ARFGAP1: variants seen among roughly 807,000 people sequenced by gnomAD.
ARFGAP1 encodes ARF GTPase activating protein 1.
A neutral mutation model predicts 54.0 loss-of-function variants in ARFGAP1; 26 were observed. That is an observed-to-expected ratio of 0.48 (90% CI 0.35 to 0.67). The LOEUF is 0.67. ARFGAP1 is among the 30% of genes least tolerant of loss of function. ARFGAP1 has a pLI of 0.00. For missense variants in ARFGAP1, 525 were observed against 535.8 expected (o/e 0.98, Z 0.20); for synonymous variants, 248 against 211.9 (o/e 1.17, Z -1.48).
intron 11 of ARFGAP1, 103 bp downstream of exon 11, chr20:63,285,816 C>A: frequency 6.5e-7 from 1 of 1,526,782 alleles, no homozygotes; most frequent in Non-Finnish European, 9.0e-7. Context: ...CTCAGCCCAG[C>A]TTGGCAGTGG....
chr20:63,288,312 C>T lies in ARFGAP1; in HGVS notation c.*439C>T, dbSNP rs1178341965. The T allele has an allele frequency of 2.1e-6, 1 of 466,284 alleles. No individual in the cohort carries two copies. Among genetic ancestry groups the T allele is most frequent in the Admixed American group, 2.3e-5 (1 of 42,824 alleles). 28.9% of individuals were successfully genotyped at this position (466,284 alleles called of 1,614,324 possible). A position where few individuals can be genotyped will look rare whatever the true frequency, so the allele number is the denominator to read the frequency against. Reference sequence around the variant, plus strand: ...ATTTAACTTTGGTTTTGCTCTAGTTCTTTCTTTTTGAAGAGAGTGACTGGA... The same window carrying T: ...ATTTAACTTTGGTTTTGCTCTAGTTTTTTCTTTTTGAAGAGAGTGACTGGA... On this transcript the variant is annotated 3_prime_UTR_variant, in exon 13 of 13. Transcript: ENST00000370283.
Position 63,287,601 on chromosome 20 carries a change from G to A in ARFGAP1, c.949G>A (p.Asp317Asn), listed in dbSNP as rs1207348046. ...CCACAGTTATCAGAACAGCGGTCTG[G>A]ACCACTTCCAAAACAGCAACATAGA... ...EGHSYQNSGL[D>N]HFQNSNIDQS... The change falls in exon 13 of 13, where the codon GAC (aspartate) becomes AAC (asparagine). Residue 317 changes from aspartate (D) to asparagine (N), a missense_variant. By Grantham distance (23) the Asp-to-Asn change is conservative (BLOSUM62 1). Coordinates refer to ENST00000370283, the MANE Select transcript of ARFGAP1 (RefSeq NM_018209.4). 6.2e-7 allele frequency: 1 copy of A among 1,609,950 alleles called. No individual in the cohort carries two copies. Among genetic ancestry groups the A allele is most frequent in the African/African-American group, 1.3e-5 (1 of 74,778 alleles).
At chr20:63,278,662 C>T (rs550158867) in intron 6 of ARFGAP1, 2 of 553,892 alleles carry the variant, frequency 3.6e-6, no homozygotes, top group South Asian at 2.3e-5. Context: ...TCTAGTACTT[C>T]TGTGGCTGGC....
Position 63,276,532 on chromosome 20 carries a change from A to G in ARFGAP1, c.223A>G (p.Met75Val), listed in dbSNP as rs916046637. The G allele has an allele frequency of 1.2e-6, 2 of 1,614,030 alleles. No individual in the cohort carries two copies. The highest frequency in any genetic ancestry group is 3.3e-5 in the Admixed American group (2 of 60,008). The stretch of plus-strand genomic sequence containing the variant: ...GTGGAAGGACATTGAGCTTGAGAAG[A>G]TGAAAGCTGGTGGGAATGCTAAGTT... ...DKWKDIELEK[M>V]KAGGNAKFRE... The change falls in exon 4 of 13, where the codon ATG becomes GTG. Residue 75 changes from methionine (M) to valine (V), a missense_variant. By Grantham distance (21) the Met-to-Val change is conservative (BLOSUM62 1). Transcript: ENST00000370283. The surrounding 1 kb of genome is among the most constrained non-coding windows in gnomAD (Gnocchi z 5.2).
chr20:63,287,845 A>C lies in ARFGAP1; in HGVS notation c.1193A>C (p.Asp398Ala), dbSNP rs769600318. 14 of 1,563,270 alleles carry C rather than the reference A, an allele frequency of 9.0e-6. No individual in the cohort carries two copies. In the African/African-American group the frequency reaches 1.9e-4, roughly 21 times the overall value. The change falls in exon 13 of 13, where the codon GAT becomes GCT. Residue 398 changes from aspartate (D) to alanine (A), a missense_variant. By Grantham distance (126) the Asp-to-Ala change is moderately radical (BLOSUM62 -2). Transcript: ENST00000370283. ...GCAGTGCCGCCGGCCGTGCCCACTG[A>C]TGATGGCTGGGACAACCAGAACTGG... ...KKAVPPAVPT[D>A]DGWDNQNW
At chr20:63,284,488 T>TG in intron 9 of ARFGAP1, 1 of 1,117,516 alleles carries the variant, frequency 8.9e-7, no homozygotes, top group African/African-American at 1.6e-5. Flanking sequence ...GGTGCCTGCC[T>TG]GGGGAGGAAG....
rs779228404 is a variant in ARFGAP1, at chr20:63,283,829, GTCT to G, written c.717+983_717+985del. 1.5e-5 allele frequency: 25 copies of G among 1,613,456 alleles called. No homozygotes were observed. In the East Asian group the frequency reaches 4.5e-4, roughly 29 times the overall value. On this transcript the variant is annotated intron_variant, in intron 9 of 12. Transcript: ENST00000370283. The stretch of plus-strand genomic sequence containing the variant: ...CCCTCACCTTGCTCTCTCCTCACCT[GTCT>G]TCTTGCTGTCGGGTAAAGTTTTGGG...
chr20:63,276,431 C>T lies in ARFGAP1; in HGVS notation c.171-49C>T. On this transcript the variant is annotated intron_variant, in intron 3 of 12. Transcript: ENST00000370283. This position sits in a 1 kb window ranked among gnomAD's most constrained non-coding sequence, Gnocchi z 5.2. ...AGGACGATGCTGGGTGGAGGGTGTC[C>T]CTGGGTGTCCCCGGTGCTGGTTGAT... 2.5e-6 allele frequency: 4 copies of T among 1,576,688 alleles called. No homozygotes were observed. Among genetic ancestry groups the T allele is most frequent in the Non-Finnish European group, 3.5e-6 (4 of 1,159,078 alleles).
intron 9 of ARFGAP1, chr20:63,284,662 G>T (rs983161146): frequency 4.2e-6 from 6 of 1,417,034 alleles, no homozygotes; most frequent in African/African-American, 1.4e-5. Context: ...TGGGGGCCGC[G>T]GTCTCCGCCT....
In ARFGAP1 at chr20:63,288,023, G is replaced by A. The variant is rs958595880; in HGVS notation, c.*150G>A. 5.2e-6 allele frequency: 5 copies of A among 964,244 alleles called. No homozygotes were observed. Among genetic ancestry groups the A allele is most frequent in the Admixed American group, 2.9e-5 (1 of 34,732 alleles). 59.7% of individuals were successfully genotyped at this position (964,244 alleles called of 1,614,324 possible). A position where few individuals can be genotyped will look rare whatever the true frequency, so the allele number is the denominator to read the frequency against. Reference sequence around the variant, plus strand: ...GAGGCAGGACCCTAGGGAGACCCGGGTGTGCGCCGCCTGCGCGTGGGGAGT... The same window carrying A: ...GAGGCAGGACCCTAGGGAGACCCGGATGTGCGCCGCCTGCGCGTGGGGAGT... On this transcript the variant is annotated 3_prime_UTR_variant, in exon 13 of 13. Transcript: ENST00000370283.
Position 63,286,423 on chromosome 20 carries a change from G to A in ARFGAP1, c.892G>A (p.Ala298Thr). ...RDVTTFFSGK[A>T]EGPLDSPSEG... ...CGTCACCACCTTTTTTTCGGGGAAA[G>A]CAGAGGGCCCCTTGGACAGGTATGC... The change falls in exon 12 of 13, where the codon GCA (alanine) becomes ACA (threonine). Residue 298 changes from alanine (A) to threonine (T), a missense_variant. Around this residue, in one of 3 missense-constraint regions of ARFGAP1, gnomAD observed 466 missense variants for 453.6 expected, o/e 1.03. Coordinates refer to ENST00000370283, the MANE Select transcript of ARFGAP1 (RefSeq NM_018209.4). The A allele has an allele frequency of 6.2e-7, 1 of 1,613,482 alleles. No homozygotes were observed. The highest frequency in any genetic ancestry group is 1.1e-5 in the South Asian group (1 of 91,074).
chr20:63,281,585 G>A (rs112684587), intron 8 of ARFGAP1, among the ~76,000 whole-genome samples: 3 of 152,258 alleles, frequency 2.0e-5, no homozygotes, highest in South Asian at 2.1e-4. Context: ...ACCAGCTGCT[G>A]GCAAAGGGGT....
At chr20:63,286,555 T>G in intron 12 of ARFGAP1, 113 bp downstream of exon 12, 1 of 1,075,346 alleles carries the variant, frequency 9.3e-7, no homozygotes, top group Non-Finnish European at 1.4e-6. Context: ...AGGGGCACTG[T>G]GGAGGCTCTC....
chr20:63,285,017 T>C, intron 10 of ARFGAP1, 95 bp downstream of exon 10: 1 of 1,451,810 alleles, frequency 6.9e-7, no homozygotes. Flanking sequence ...GTCCAGCAGC[T>C]GGGACTCAGC....
chr20:63,274,311 ACC>A (rs766440194), intron 1 of ARFGAP1: 140 of 4,948 alleles, frequency 0.028, 1 homozygote, highest in African/African-American at 0.047. Flanking sequence ...TGGAGTTGGG[ACC>A]CCCCCCCCCC....
At chr20:63,278,280 C>G (rs953680517) in intron 6 of ARFGAP1, 77 bp downstream of exon 6, 1 of 1,479,854 alleles carries the variant, frequency 6.8e-7, no homozygotes, top group African/African-American at 1.4e-5. Context: ...GGCTGCTTCC[C>G]TTGGGGCCTC....
chr20:63,281,473 C>A, intron 8 of ARFGAP1, 126 bp downstream of exon 8: 1 of 1,223,526 alleles, frequency 8.2e-7, no homozygotes, highest in Non-Finnish European at 1.1e-6. Context: ...GTGCTGTAAC[C>A]ATGGGCTGTG....
intron 11 of ARFGAP1, chr20:63,285,922 T>C: frequency 1.4e-6 from 2 of 1,476,398 alleles, no homozygotes; most frequent in East Asian, 2.5e-5. Flanking sequence ...AGCCACTAAC[T>C]GTCACTTCTC....
At chr20:63,284,234 C>T in intron 9 of ARFGAP1, 1 of 1,211,554 alleles carries the variant, frequency 8.3e-7, no homozygotes, top group Non-Finnish European at 1.0e-6. Context: ...TTCCTGGCCA[C>T]CTGCGCTCCC....
Sources: gnomAD v4.1 joint callset for allele counts (sites outside exome capture counted in the v4.1 genomes callset) on GRCh38, gnomAD v4.1.1 for gene constraint, gnomAD v4.1.1 regional missense constraint, Gnocchi (gnomAD v3.1) non-coding constraint, MANE v1.5 for transcripts, NCBI Gene and HGNC (gene_info 2026-07-23, HGNC 2026-07-21) for gene names.